Variants in CPNE7 observed in about 807,000 individuals in gnomAD.
CPNE7 encodes copine-7.
CPNE7 carries 78 observed loss-of-function variants against 66.5 expected under a neutral mutation model. That is an observed-to-expected ratio of 1.17 (90% CI 0.98 to 1.42). The LOEUF is 1.42. Ranked by LOEUF, CPNE7 falls within the 40% of genes most tolerant of loss-of-function variation. The probability of loss-of-function intolerance (pLI) is 0.00; values close to 1 mark genes in which losing one functional copy is unlikely to be tolerated. For synonymous variants in CPNE7, 468 were observed against 336.7 expected, an observed-to-expected ratio of 1.39 and a Z score of -4.27; for missense variants, 1,012 against 776.6, an observed-to-expected ratio of 1.30 and a Z score of -3.60.
intron 9 of CPNE7, chr16:89,587,477 G>A (rs1203981471): frequency 2.3e-6 from 1 of 442,946 alleles, no homozygotes; most frequent in Non-Finnish European, 4.5e-6. Context: ...ACGGGCTTGG[G>A]GTTCAGGAAG....
chr16:89,583,247 G>C (rs2058982299), intron 2 of CPNE7, among the ~76,000 whole-genome samples: 1 of 152,182 alleles, frequency 6.6e-6, no homozygotes, highest in Admixed American at 6.5e-5. Flanking sequence ...ACGTGGACAT[G>C]CTGGGCGTGA....
intron 2 of CPNE7, chr16:89,583,343 C>G: frequency 2.6e-6 from 3 of 1,146,008 alleles, no homozygotes; most frequent in Non-Finnish European, 3.8e-6. Flanking sequence ...CCCTGCTTAC[C>G]TGTGGAGGGG....
rs1343975690 is a variant in CPNE7 at position 89,594,850 on chromosome 16, C to T, written c.1303-517C>T. On this transcript the variant is annotated intron_variant, in intron 13 of 14. Coordinates refer to ENST00000319518, the MANE Select transcript of CPNE7 (RefSeq NM_153636.3). ...TATTTTTAGTAGAGATGGGGTTTCACCATTTTGGCCAGGCTGGTCTCGAAC... is the reference window on the plus strand; with the variant it reads ...TATTTTTAGTAGAGATGGGGTTTCATCATTTTGGCCAGGCTGGTCTCGAAC... Among the ~76,000 whole-genome samples, 5 of 151,990 alleles carry T rather than the reference C, an allele frequency of 3.3e-5. No individual in the cohort carries two copies. In the South Asian group the frequency reaches 6.2e-4, roughly 19 times the overall value.
At chr16:89,576,937 A>G (rs2058869876) in intron 1 of CPNE7, among the ~76,000 whole-genome samples, 1 of 150,386 alleles carries the variant, frequency 6.6e-6, no homozygotes, top group Non-Finnish European at 1.5e-5. Flanking sequence ...GCCTGAGCCC[A>G]CCCTTCACAT....
chr16:89,585,418 C>G, intron 5 of CPNE7, 46 bp from the exon 6 acceptor site: 1 of 1,388,076 alleles, frequency 7.2e-7, no homozygotes, highest in Non-Finnish European at 1.0e-6. Context: ...CCCCAAGGAT[C>G]CCAGGGCCCT....
chr16:89,583,346 T>C (rs984824007), intron 2 of CPNE7: 1 of 1,171,484 alleles, frequency 8.5e-7, no homozygotes, highest in African/African-American at 1.5e-5. Flanking sequence ...TGCTTACCTG[T>C]GGAGGGGCGT....
At chr16:89,590,518 C>G (rs775340075) in intron 11 of CPNE7, among the ~76,000 whole-genome samples, 1 of 152,088 alleles carries the variant, frequency 6.6e-6, no homozygotes, top group Non-Finnish European at 1.5e-5. Flanking sequence ...GAGCAAGACT[C>G]TGTTTTAAAA....
chr16:89,588,566 G>C, intron 9 of CPNE7, 109 bp from the exon 10 acceptor site: 1 of 1,414,966 alleles, frequency 7.1e-7, no homozygotes, highest in Non-Finnish European at 9.7e-7. Flanking sequence ...CCACCTACGC[G>C]ACCCCTGACC....
In CPNE7 at chr16:89,584,021, C is replaced by CT; in HGVS notation, c.433-6dup. The CT allele has an allele frequency of 6.2e-7, 1 of 1,611,948 alleles. No homozygotes were observed. The highest frequency in any genetic ancestry group is 8.5e-7 in the Non-Finnish European group (1 of 1,179,556). On this transcript the variant is annotated splice_polypyrimidine_tract_variant and splice_region_variant and intron_variant, in intron 3 of 14. Transcript: ENST00000319518. The surrounding 1 kb of genome is among the most constrained non-coding windows in gnomAD (Gnocchi z 6.0). ...CCAAGCCTGGAGCCCGGGCGTCCCCCTGCCAGGTGATCGCCGAGGACATCT... is the reference window on the plus strand; with the variant it reads ...CCAAGCCTGGAGCCCGGGCGTCCCCCTTGCCAGGTGATCGCCGAGGACATCT...
At chr16:89,589,803 G>A (rs2059141841) in intron 10 of CPNE7, 94 bp from the exon 11 acceptor site, 2 of 1,407,056 alleles carry the variant, frequency 1.4e-6, no homozygotes, top group South Asian at 2.4e-5. Context: ...GGCACCCCCA[G>A]TCTTTTGGGC....
rs763575777 is a variant in CPNE7, at chr16:89,595,469, A to G, written c.1405A>G (p.Ile469Val). Residue 469 changes from isoleucine (I) to valine (V), a missense_variant, in exon 14 of 15, where the codon ATC becomes GTC. Coordinates refer to ENST00000319518, the MANE Select transcript of CPNE7 (RefSeq NM_153636.3). ...CTCACGCCTGCCCATGTCCATCATC[A>G]TCGTGGGCGTGGGCAACGCCGACTT... Reference protein sequence around the residue: ...RASRLPMSIIIVGVGNADFTD... With the variant: ...RASRLPMSIIVVGVGNADFTD... The G allele has an allele frequency of 1.2e-5, 19 of 1,612,380 alleles. No individual in the cohort carries two copies. Among genetic ancestry groups the G allele is most frequent in the Non-Finnish European group, 1.5e-5 (18 of 1,179,818 alleles).
At chr16:89,595,981 G>C (rs1229319842) in intron 14 of CPNE7, 1 of 496,996 alleles carries the variant, frequency 2.0e-6, no homozygotes, top group Non-Finnish European at 3.9e-6. Flanking sequence ...TACCCGGTGA[G>C]ACGCACAGCA....
chr16:89,588,010 T>C (rs143424723), intron 9 of CPNE7, among the ~76,000 whole-genome samples: 17 of 960 alleles, frequency 0.018, 5 homozygotes, highest in Admixed American at 0.048. Flanking sequence ...CCCCCCGTGT[T>C]ACCCACAGAT....
At chr16:89,583,242 G>C (rs747668606) in intron 2 of CPNE7, among the ~76,000 whole-genome samples, 50 of 152,262 alleles carry the variant, frequency 3.3e-4, no homozygotes, top group Non-Finnish European at 6.0e-4. Flanking sequence ...TGGCTACGTG[G>C]ACATGCTGGG....
At position 89,595,498 on chromosome 16, in the gene CPNE7, C is replaced by A. The variant is rs537769794; in HGVS notation, c.1434C>A (p.Thr478=). ...IIVGVGNADF[T]DMQVLDGDDG... is the part of the protein sequence containing the mutation. ...TGGGCGTGGGCAACGCCGACTTCAC[C>A]GACATGCAGGTCCTGGACGGCGACG... The change falls in exon 14 of 15, where the codon ACC becomes ACA. Residue 478 remains threonine, a synonymous_variant. Transcript: ENST00000319518. 6.2e-7 allele frequency: 1 copy of A among 1,612,648 alleles called. No homozygotes were observed. The highest frequency in any genetic ancestry group is 8.5e-7 in the Non-Finnish European group (1 of 1,179,896).
chr16:89,588,810 T>C lies in CPNE7; in HGVS notation c.1061+2T>C. 3.1e-6 allele frequency: 5 copies of C among 1,612,900 alleles called. No homozygotes were observed. Among genetic ancestry groups the C allele is most frequent in the Non-Finnish European group, 4.2e-6 (5 of 1,179,768 alleles). On this transcript the variant is annotated splice_donor_variant, in intron 10 of 14. Transcript: ENST00000319518. LOFTEE classifies it high-confidence loss of function. ...CGAGATCTGCCAGGACTATGACAGG[T>C]GCGCCCACCACCTTCCCCTCACCCC...
At position 89,584,101 on chromosome 16, in the gene CPNE7, A is replaced by G. The variant is rs372554048; in HGVS notation, c.506A>G (p.Lys169Arg). ...TTCCGGGCCAGGAAGCTGGACGACA[A>G]GGTGAGTGCAGGTGCCGGGCACGCC... ...LSFRARKLDDKDLFSKSDPFL... is the reference protein window; with the variant it reads ...LSFRARKLDDRDLFSKSDPFL... Residue 169 changes from lysine (K) to arginine (R), a missense_variant and splice_region_variant, in exon 4 of 15, where the codon AAG (lysine) becomes AGG (arginine). By Grantham distance (26) the Lys-to-Arg change is conservative. Transcript: ENST00000319518. The surrounding 1 kb of genome is among the most constrained non-coding windows in gnomAD (Gnocchi z 6.0). 5.6e-6 allele frequency: 9 copies of G among 1,609,256 alleles called. No homozygotes were observed. The highest frequency in any genetic ancestry group is 1.3e-5 in the African/African-American group (1 of 74,728).
intron 5 of CPNE7, among the ~76,000 whole-genome samples, 184 bp from the exon 6 acceptor site, chr16:89,585,280 C>T (rs1253101668): frequency 6.6e-6 from 1 of 152,176 alleles, no homozygotes; most frequent in African/African-American, 2.4e-5. Flanking sequence ...CTCCCGGGTC[C>T]TCACATGGCT....
chr16:89,576,661 G>A (rs1288106042), intron 1 of CPNE7, among the ~76,000 whole-genome samples: 1 of 152,212 alleles, frequency 6.6e-6, no homozygotes, highest in Non-Finnish European at 1.5e-5. Context: ...CCTCGAAAGG[G>A]CGAGAAACGC....
Sources: allele counts gnomAD v4.1 joint callset (sites outside exome capture counted in the v4.1 genomes callset), GRCh38; gene constraint gnomAD v4.1.1; non-coding constraint Gnocchi (gnomAD v3.1); transcripts MANE v1.5; gene names NCBI Gene and HGNC (gene_info 2026-07-23, HGNC 2026-07-21).